The following CELF1 variants were observed in gnomAD, a reference collection of about 807,000 sequenced individuals.
CELF1 encodes the protein CUGBP Elav-like family member 1.
A neutral mutation model predicts 61.8 loss-of-function variants in CELF1; 10 were observed. That is an observed-to-expected ratio of 0.16 (90% confidence interval 0.10 to 0.27). The LOEUF (loss-of-function observed/expected upper bound fraction) is 0.27. Among genes scored for constraint, CELF1 ranks in the 10% least tolerant of loss-of-function variants. The pLI, the probability that CELF1 is intolerant of heterozygous loss-of-function variation, is 1.00. For missense variants in CELF1, 380 were observed against 639.1 expected (o/e 0.59, Z 4.37); for synonymous variants, 236 against 225.1 (o/e 1.05, Z -0.43).
chr11:47,560,439 A>G (rs182735235), intron 2 of CELF1, among the ~76,000 whole-genome samples: 1 of 152,176 alleles, frequency 6.6e-6, no homozygotes, highest in African/African-American at 2.4e-5. Context: ...CATTTCATCT[A>G]TATGGTTATA....
At chr11:47,503,706 C>T (rs1348954219) in intron 1 of CELF1, among the ~76,000 whole-genome samples, 1 of 152,144 alleles carries the variant, frequency 6.6e-6, no homozygotes, top group Non-Finnish European at 1.5e-5. Context: ...CCTTTTTGGA[C>T]CTAAATTTCA....
At chr11:47,500,550 A>G (rs1219557037) in intron 2 of CELF1, among the ~76,000 whole-genome samples, 1 of 152,246 alleles carries the variant, frequency 6.6e-6, no homozygotes, top group African/African-American at 2.4e-5. Context: ...CCTACCAGGG[A>G]CAACACTCAA....
intron 1 of CELF1, among the ~76,000 whole-genome samples, chr11:47,532,090 G>C (rs908990976): frequency 2.6e-5 from 4 of 151,928 alleles, no homozygotes; most frequent in South Asian, 2.1e-4. Context: ...GAGTGCAGTG[G>C]CGCAATCTCA....
At position 47,477,553 on chromosome 11, in the gene CELF1, AAAC is replaced by A. The variant is rs371094265; in HGVS notation, c.845-131_845-129del. ...AGGAACTGTTCTAGATAAGCCTTAC[AAAC>A]AACATTACAGGGCTCCAAAAATGAT... On this transcript the variant is annotated intron_variant, in intron 10 of 14. Coordinates refer to ENST00000687097, the MANE Select transcript of CELF1 (RefSeq NM_001376376.1). 36 of 893,214 alleles carry A rather than the reference AAAC, an allele frequency of 4.0e-5. 1 individual carries two copies. The African/African-American group carries it at 5.7e-4, about 14-fold the overall frequency. The allele number at this position is 893,214 out of a possible 1,614,324, so 55.3% of individuals were successfully genotyped here.
At chr11:47,538,348 T>C (rs972368759) in intron 1 of CELF1, among the ~76,000 whole-genome samples, 3 of 152,206 alleles carry the variant, frequency 2.0e-5, no homozygotes, top group African/African-American at 4.8e-5. Flanking sequence ...AGGTTGTATA[T>C]AAATCTCCAT....
chr11:47,515,640 T>C (rs1597602298), intron 1 of CELF1, among the ~76,000 whole-genome samples: 3 of 152,236 alleles, frequency 2.0e-5, no homozygotes, highest in African/African-American at 7.2e-5. Context: ...CCTTATAATC[T>C]TGATGTCTCT....
At chr11:47,503,141 C>A (rs1431304558) in intron 1 of CELF1, among the ~76,000 whole-genome samples, 3 of 152,118 alleles carry the variant, frequency 2.0e-5, no homozygotes, top group Non-Finnish European at 2.9e-5. Context: ...GAACCCAAAT[C>A]ATTAAAAGTG....
intron 1 of CELF1, among the ~76,000 whole-genome samples, chr11:47,535,625 G>A (rs1397895231): frequency 6.8e-6 from 1 of 147,046 alleles, no homozygotes; most frequent in Non-Finnish European, 1.5e-5. Flanking sequence ...GTTGCAGTGA[G>A]CCAAGGTTGC....
chr11:47,532,469 G>A (rs1485049106), intron 1 of CELF1, among the ~76,000 whole-genome samples: 3 of 152,230 alleles, frequency 2.0e-5, no homozygotes, highest in Middle Eastern at 3.2e-3. Flanking sequence ...AGAGGCAGAC[G>A]CTGCCTGCCC....
At chr11:47,534,951 T>A (rs1394468223) in intron 1 of CELF1, among the ~76,000 whole-genome samples, 1 of 152,072 alleles carries the variant, frequency 6.6e-6, no homozygotes, top group African/African-American at 2.4e-5. Flanking sequence ...GATCTGTGGA[T>A]CTGTTTTTTT....
At chr11:47,489,224 G>C (rs544166900) in intron 3 of CELF1, among the ~76,000 whole-genome samples, 200 bp from the exon 4 acceptor site, 1 of 150,882 alleles carries the variant, frequency 6.6e-6, no homozygotes, top group Non-Finnish European at 1.5e-5. Context: ...CCAAACTAAA[G>C]TCACCATTCT....
intron 1 of CELF1, among the ~76,000 whole-genome samples, chr11:47,514,692 CAAAAAAAAAAAAA>C (rs34636337): frequency 9.4e-6 from 1 of 106,100 alleles, no homozygotes; most frequent in African/African-American, 3.9e-5. Flanking sequence ...CCTATCTCTA[CAAAAAAAAAAAAA>C]AAAAAAATCA....
At chr11:47,555,729 C>T (rs775447687), upstream of CELF1, among the ~76,000 whole-genome samples, 1 of 152,024 alleles carries the variant, frequency 6.6e-6, no homozygotes, top group African/African-American at 2.4e-5. Context: ...CAATGTCGGC[C>T]AGGCGCGGTA....
chr11:47,554,075 T>C (rs2097194744), upstream of CELF1, among the ~76,000 whole-genome samples: 1 of 152,132 alleles, frequency 6.6e-6, no homozygotes, highest in Non-Finnish European at 1.5e-5. Flanking sequence ...ATCATCTGGC[T>C]TCCCAGAGAA....
At chr11:47,517,270 A>T (rs1301868046) in intron 1 of CELF1, among the ~76,000 whole-genome samples, 2 of 151,846 alleles carry the variant, frequency 1.3e-5, no homozygotes, top group African/African-American at 2.4e-5. Flanking sequence ...GAAAAAAAAA[A>T]AAAAAAAAAG....
intron 1 of CELF1, among the ~76,000 whole-genome samples, chr11:47,546,281 G>T: frequency 7.4e-6 from 1 of 135,524 alleles, no homozygotes; most frequent in Non-Finnish European, 1.6e-5. Context: ...GGGGGCGGGG[G>T]AGGGAATGGA....
chr11:47,554,806 C>T (rs1312779574), upstream of CELF1, among the ~76,000 whole-genome samples: 1 of 151,884 alleles, frequency 6.6e-6, no homozygotes, highest in South Asian at 2.1e-4. Flanking sequence ...GGATTACAGG[C>T]GCGTGCCACG....
intron 1 of CELF1, among the ~76,000 whole-genome samples, chr11:47,550,715 C>T (rs1385560993): frequency 6.6e-6 from 1 of 151,622 alleles, no homozygotes; most frequent in African/African-American, 2.4e-5. Context: ...GAATCTGTAA[C>T]TTCTGTATTA....
chr11:47,546,173 A>T (rs1306506604), intron 1 of CELF1, among the ~76,000 whole-genome samples: 1 of 147,644 alleles, frequency 6.8e-6, no homozygotes, highest in Non-Finnish European at 1.5e-5. Context: ...GCCTCCCTAC[A>T]TCTTTTTAAG....
Sources: gnomAD v4.1 joint callset for allele counts (sites outside exome capture counted in the v4.1 genomes callset) on GRCh38, gnomAD v4.1.1 for gene constraint, MANE v1.5 for transcripts, NCBI Gene and HGNC (gene_info 2026-07-23, HGNC 2026-07-21) for gene names.